ZMYM1: variants seen among roughly 807,000 people sequenced by gnomAD.
The protein encoded by ZMYM1 is zinc finger MYM-type protein 1.
In ZMYM1, 39 loss-of-function variants were observed where a neutral mutation model predicts 60.0. The ratio of observed to expected loss-of-function variants is 0.65; its 90% confidence interval spans 0.50 to 0.85. The LOEUF (loss-of-function observed/expected upper bound fraction) is 0.85, where lower values mean the gene tolerates loss of function less well. Ranked by LOEUF, ZMYM1 falls within the 40% of genes least tolerant of loss-of-function variation. The pLI is 0.00. For synonymous variants in ZMYM1, 413 were observed against 454.0 expected (o/e 0.91, Z 1.15); for missense variants, 1,171 against 1,309.5 (o/e 0.89, Z 1.63).
chr1:35,103,525 G>A (rs1465970499), intron 4 of ZMYM1, among the ~76,000 whole-genome samples: 3 of 152,184 alleles, frequency 2.0e-5, no homozygotes, highest in African/African-American at 7.2e-5. Flanking sequence ...CTGTATGTAT[G>A]TAACACAATG....
In ZMYM1 at chr1:35,082,863, C is replaced by G. The variant is rs186931326; in HGVS notation, c.-75+3421C>G. Among the ~76,000 whole-genome samples, 137 of 151,836 alleles carry G rather than the reference C, an allele frequency of 9.0e-4. No homozygotes were observed. In the East Asian group the frequency reaches 0.025, roughly 28 times the overall value. ...AGGAGTGGTAGTGCATGCCTGTAATCCTAGCTACTCAGGAGGCTGAGGCAG... is the reference window on the plus strand; with the variant it reads ...AGGAGTGGTAGTGCATGCCTGTAATGCTAGCTACTCAGGAGGCTGAGGCAG... On this transcript the variant is annotated intron_variant, in intron 1 of 9. Coordinates refer to ENST00000359858, the MANE Select transcript of ZMYM1 (RefSeq NM_024772.5).
rs1448878176 is a variant in ZMYM1, at chr1:35,114,435, C to G, written c.2605C>G (p.Leu869Val). The change falls in exon 10 of 10, where the codon CTG (leucine) becomes GTG (valine). Residue 869 changes from leucine (L) to valine (V), a missense_variant. Coordinates refer to ENST00000359858, the MANE Select transcript of ZMYM1 (RefSeq NM_024772.5). ...VFCLKFLYRV[L>V]SVTGILSKEL... ...TTGTTTGAAATTCCTGTATCGAGTGCTGAGTGTTACAGGAATTCTTTCCAA... is the reference window on the plus strand; with the variant it reads ...TTGTTTGAAATTCCTGTATCGAGTGGTGAGTGTTACAGGAATTCTTTCCAA... 9.3e-6 allele frequency: 15 copies of G among 1,613,346 alleles called. No homozygotes were observed. Among genetic ancestry groups the G allele is most frequent in the Admixed American group, 3.3e-5 (2 of 59,948 alleles).
Position 35,114,922 on chromosome 1 carries a change from G to T in ZMYM1, c.3092G>T (p.Arg1031Leu). 1 of 1,612,500 alleles carries T rather than the reference G, an allele frequency of 6.2e-7. No homozygotes were observed. Among genetic ancestry groups the T allele is most frequent in the Non-Finnish European group, 8.5e-7 (1 of 1,178,802 alleles). The change falls in exon 10 of 10, where the codon CGA (arginine) becomes CTA (leucine). Residue 1031 changes from arginine (R) to leucine (L), a missense_variant. Arg to Leu is a moderately radical substitution (Grantham distance 102). Transcript: ENST00000359858. ...ATTATCCCAGAACTTAGATTTTATC[G>T]ACATTATGCAAAGCTTAACTTTGTC... ...EDIIPELRFY[R>L]HYAKLNFVID...
intron 4 of ZMYM1, among the ~76,000 whole-genome samples, chr1:35,101,637 G>A (rs1000191077): frequency 2.0e-5 from 3 of 150,654 alleles, no homozygotes; most frequent in African/African-American, 7.3e-5. Context: ...TCTTACAACC[G>A]CCCACCCCCC....
chr1:35,114,822 T>C lies in ZMYM1; in HGVS notation c.2992T>C (p.Leu998=), dbSNP rs776824609. 176 of 1,605,336 alleles carry C rather than the reference T, an allele frequency of 1.1e-4. No homozygotes were observed. The highest frequency in any genetic ancestry group is 1.5e-4 in the Non-Finnish European group (173 of 1,176,996). ...CAAAATAAAGCAAATTTCAGAACTG[T>C]TATTTAAATGGAATGAACCATTAAA... ...YCKIKQISEL[L]FKWNEPLNET... The change falls in exon 10 of 10, where the codon TTA becomes CTA. Residue 998 remains leucine (L), a synonymous_variant. Coordinates refer to ENST00000359858, the MANE Select transcript of ZMYM1 (RefSeq NM_024772.5).
intron 1 of ZMYM1, among the ~76,000 whole-genome samples, chr1:35,061,244 C>A (rs1641868916): frequency 6.6e-6 from 1 of 152,222 alleles, no homozygotes; most frequent in Non-Finnish European, 1.5e-5. Flanking sequence ...CTGGGTGCTT[C>A]ACACAGATTA....
At chr1:35,118,020 A>C (rs1227796742), downstream of ZMYM1, among the ~76,000 whole-genome samples, 1 of 151,980 alleles carries the variant, frequency 6.6e-6, no homozygotes, top group African/African-American at 2.4e-5. Context: ...CAGGCGGATC[A>C]CAAGGTCAAG....
intron 1 of ZMYM1, among the ~76,000 whole-genome samples, chr1:35,080,672 G>A (rs993132682): frequency 6.6e-6 from 1 of 151,774 alleles, no homozygotes; most frequent in African/African-American, 2.4e-5. Context: ...ATCATTGGTT[G>A]GTAGACACTT....
In ZMYM1 at chr1:35,114,809, A is replaced by G. The variant is rs1644214456; in HGVS notation, c.2979A>G (p.Gln993=). The stretch of plus-strand genomic sequence containing the variant: ...AGTTTGATTATTGCAAAATAAAGCA[A>G]ATTTCAGAACTGTTATTTAAATGGA... ...FSEFDYCKIK[Q]ISELLFKWNE... Residue 993 remains glutamine, a synonymous_variant, in exon 10 of 10, where the codon CAA becomes CAG. Transcript: ENST00000359858. 6.2e-7 allele frequency: 1 copy of G among 1,606,482 alleles called. No homozygotes were observed. The highest frequency in any genetic ancestry group is 1.3e-5 in the African/African-American group (1 of 74,516).
intron 1 of ZMYM1, among the ~76,000 whole-genome samples, chr1:35,073,342 G>A (rs111242742): frequency 4.4e-4 from 53 of 119,820 alleles, no homozygotes; most frequent in African/African-American, 2.2e-3. Context: ...AGAAAGAAAG[G>A]AAGGAAGGAA....
chr1:35,095,966 T>A, intron 3 of ZMYM1, 75 bp downstream of exon 3: 1 of 1,112,458 alleles, frequency 9.0e-7, no homozygotes, highest in Non-Finnish European at 1.3e-6. Flanking sequence ...TTAATGCCTT[T>A]GAATATTGCT....
chr1:35,114,669 C>T lies in ZMYM1; in HGVS notation c.2839C>T (p.Leu947Phe). ...KRRKIQKSVD[L>F]GNSDNMFFPT... ...AAGAAAAATTCAGAAATCAGTAGAT[C>T]TTGGCAATTCAGATAATATGTTTTT... The change falls in exon 10 of 10, where the codon CTT becomes TTT. Residue 947 changes from leucine to phenylalanine, a missense_variant. Leu to Phe is a conservative substitution (Grantham distance 22). Coordinates refer to ENST00000359858, the MANE Select transcript of ZMYM1 (RefSeq NM_024772.5). 1.3e-6 allele frequency: 2 copies of T among 1,590,954 alleles called. No homozygotes were observed. The highest frequency in any genetic ancestry group is 1.4e-5 in the African/African-American group (1 of 73,138).
upstream of ZMYM1, among the ~76,000 whole-genome samples, chr1:35,076,167 A>T (rs1189937758): frequency 2.0e-5 from 3 of 152,210 alleles, no homozygotes; most frequent in Non-Finnish European, 4.4e-5. Flanking sequence ...CCAGATATAA[A>T]GGAACAGTTA....
chr1:35,088,956 C>T lies in ZMYM1; in HGVS notation c.-74-4958C>T, dbSNP rs915682091. The stretch of plus-strand genomic sequence containing the variant: ...CCTTCCGAGTAGCTGGGATTACAGG[C>T]GCCCACCACCACGCCCGGCTAATTT... On this transcript the variant is annotated intron_variant, in intron 1 of 9. Transcript: ENST00000359858. Among the ~76,000 whole-genome samples, 10 of 151,672 alleles carry T rather than the reference C, an allele frequency of 6.6e-5. No homozygotes were observed. In the East Asian group the frequency reaches 7.8e-4, roughly 12 times the overall value.
chr1:35,086,546 AAAAT>A (rs1429837138), intron 1 of ZMYM1, among the ~76,000 whole-genome samples: 6 of 152,204 alleles, frequency 3.9e-5, no homozygotes, highest in Non-Finnish European at 8.8e-5. Context: ...AGCAGTAAAA[AAAAT>A]AGTCTCTATA....
chr1:35,115,139 A>G lies in ZMYM1; in HGVS notation c.3309A>G (p.Gln1103=). Residue 1103 remains glutamine, a synonymous_variant, in exon 10 of 10, where the codon CAA becomes CAG. Coordinates refer to ENST00000359858, the MANE Select transcript of ZMYM1 (RefSeq NM_024772.5). ...CATATTTATGTAATACCATGGGACA[A>G]GAGAAGCTTACTGGCCCAGCCCTAA... ...LKTYLCNTMG[Q]EKLTGPALMA... is the part of the protein sequence containing the mutation. The G allele has an allele frequency of 6.2e-7, 1 of 1,614,126 alleles. No individual in the cohort carries two copies. Among genetic ancestry groups the G allele is most frequent in the Non-Finnish European group, 8.5e-7 (1 of 1,179,980 alleles).
At chr1:35,074,342 A>T (rs1234720027) in intron 1 of ZMYM1, among the ~76,000 whole-genome samples, 1 of 152,144 alleles carries the variant, frequency 6.6e-6, no homozygotes. Context: ...CAGCTGTTGG[A>T]TGGAATGTTC....
chr1:35,102,421 A>G (rs1347076906), intron 4 of ZMYM1, among the ~76,000 whole-genome samples: 1 of 152,194 alleles, frequency 6.6e-6, no homozygotes, highest in Admixed American at 6.5e-5. Flanking sequence ...TGAGTTCTGC[A>G]GATCTTCTAG....
At chr1:35,118,281 T>C (rs1032084792), downstream of ZMYM1, among the ~76,000 whole-genome samples, 1 of 151,368 alleles carries the variant, frequency 6.6e-6, no homozygotes, top group African/African-American at 2.4e-5. Flanking sequence ...TTAACTCTAG[T>C]ATTGAATGTG....
Sources: allele counts gnomAD v4.1 joint callset (sites outside exome capture counted in the v4.1 genomes callset), GRCh38; gene constraint gnomAD v4.1.1; transcripts MANE v1.5; gene names NCBI Gene and HGNC (gene_info 2026-07-23, HGNC 2026-07-21).